Variants in UBE2L3 observed in about 807,000 individuals in gnomAD.
UBE2L3 encodes ubiquitin-conjugating enzyme E2 L3.
UBE2L3 carries 1 observed loss-of-function variant against 17.8 expected under a neutral mutation model. The ratio of observed to expected loss-of-function variants is 0.06; its 90% CI spans 0.02 to 0.27. The LOEUF is 0.27. UBE2L3 is among the 10% of genes least tolerant of loss of function. The probability of loss-of-function intolerance (pLI) is 1.00; values close to 1 mark genes in which losing one functional copy is unlikely to be tolerated. For synonymous variants in UBE2L3, 44 were observed against 68.5 expected, an observed-to-expected ratio of 0.64 and a Z score of 1.76; for missense variants, 40 against 192.6, an observed-to-expected ratio of 0.21 and a Z score of 4.69.
intron 1 of UBE2L3, among the ~76,000 whole-genome samples, chr22:21,555,634 A>C (rs1464029054): frequency 1.3e-5 from 2 of 151,128 alleles, no homozygotes; most frequent in Non-Finnish European, 2.9e-5. Context: ...CAAAAAAAAA[A>C]AATTTTTTTT....
intron 3 of UBE2L3, among the ~76,000 whole-genome samples, chr22:21,617,843 G>A (rs983639545): frequency 9.2e-5 from 14 of 152,102 alleles, no homozygotes; most frequent in Non-Finnish European, 1.9e-4. Context: ...GGGGAACAGC[G>A]AAAGAATGAA....
At chr22:21,568,001 G>C in intron 1 of UBE2L3, 1 of 1,342,656 alleles carries the variant, frequency 7.4e-7, no homozygotes, top group Non-Finnish European at 9.5e-7. Flanking sequence ...CCCTCAGCCC[G>C]GCCCGGGGCG....
At chr22:21,585,904 G>A (rs1927909803) in intron 1 of UBE2L3, among the ~76,000 whole-genome samples, 1 of 152,052 alleles carries the variant, frequency 6.6e-6, no homozygotes, top group Non-Finnish European at 1.5e-5. Context: ...TTTTGTTGGG[G>A]GAAGGGTCGT....
At chr22:21,610,774 C>T in intron 2 of UBE2L3, 83 bp from the exon 3 acceptor site, 2 of 1,370,416 alleles carry the variant, frequency 1.5e-6, no homozygotes, top group Non-Finnish European at 1.9e-6. Context: ...ATTGATTTTT[C>T]AGATAAACAA....
At chr22:21,592,015 G>A (rs1236705221) in intron 1 of UBE2L3, among the ~76,000 whole-genome samples, 1 of 152,226 alleles carries the variant, frequency 6.6e-6, no homozygotes, top group Non-Finnish European at 1.5e-5. Flanking sequence ...AATGGGAAAT[G>A]TCAGGCTGGT....
rs556990159 is a variant in UBE2L3 at position 21,576,949 on chromosome 22, G to A, written c.27+9178G>A. On this transcript the variant is annotated intron_variant, in intron 1 of 3. Coordinates refer to ENST00000342192, the MANE Select transcript of UBE2L3 (RefSeq NM_003347.4). ...CTCCTGAGTAGCTGGAATTACAGGC[G>A]TGTGCCACCATGCCTGGCTAATTTT... Among the ~76,000 whole-genome samples, 239 of 151,164 alleles carry A rather than the reference G, an allele frequency of 1.6e-3. 1 individual carries two copies. The highest frequency in any genetic ancestry group is 5.2e-3 in the African/African-American group (214 of 41,130).
intron 3 of UBE2L3, chr22:21,614,437 A>AAAAG (rs1011995889): frequency 4.0e-5 from 22 of 548,566 alleles, no homozygotes; most frequent in Middle Eastern, 3.3e-4. Flanking sequence ...CAAAAAAAAA[A>AAAAG]AAAGAAAGAA....
intron 1 of UBE2L3, among the ~76,000 whole-genome samples, chr22:21,575,258 CAAAAAAAAAA>C (rs999280735): frequency 6.3e-4 from 33 of 52,738 alleles, no homozygotes; most frequent in Admixed American, 5.8e-3. Flanking sequence ...GACTCCATCT[CAAAAAAAAAA>C]AAAAAAAAAG....
At chr22:21,594,690 G>T (rs1928429875) in intron 2 of UBE2L3, among the ~76,000 whole-genome samples, 1 of 152,012 alleles carries the variant, frequency 6.6e-6, no homozygotes, top group South Asian at 2.1e-4. Flanking sequence ...ATTTCTTTAG[G>T]CTTGATGGTG....
chr22:21,593,145 G>A (rs1928348979), intron 2 of UBE2L3, among the ~76,000 whole-genome samples, 189 bp downstream of exon 2: 1 of 152,060 alleles, frequency 6.6e-6, no homozygotes, highest in East Asian at 1.9e-4. Flanking sequence ...TCACATCTTG[G>A]CACTCGTTTT....
At chr22:21,587,364 T>C (rs1928004230) in intron 1 of UBE2L3, among the ~76,000 whole-genome samples, 1 of 152,032 alleles carries the variant, frequency 6.6e-6, no homozygotes, top group South Asian at 2.1e-4. Context: ...CTAATTTTTG[T>C]ATTTTTAGTA....
At chr22:21,562,520 C>T (rs993360511) in intron 1 of UBE2L3, among the ~76,000 whole-genome samples, 2 of 151,872 alleles carry the variant, frequency 1.3e-5, no homozygotes, top group South Asian at 4.1e-4. Context: ...CACAAGCACC[C>T]GCCACCACGC....
intron 1 of UBE2L3, among the ~76,000 whole-genome samples, chr22:21,580,090 A>G (rs1382573454): frequency 1.3e-5 from 2 of 152,230 alleles, no homozygotes; most frequent in Non-Finnish European, 1.5e-5. Flanking sequence ...ACTATTCCAG[A>G]GCAAGCTAAG....
At chr22:21,613,145 T>C (rs1425498425) in intron 3 of UBE2L3, among the ~76,000 whole-genome samples, 1 of 152,158 alleles carries the variant, frequency 6.6e-6, no homozygotes, top group Non-Finnish European at 1.5e-5. Flanking sequence ...GCTCCTCCCT[T>C]ACCTGTAGAC....
chr22:21,568,280 C>T, intron 1 of UBE2L3: 1 of 986,032 alleles, frequency 1.0e-6, no homozygotes, highest in Non-Finnish European at 1.2e-6. Context: ...GAGAAGGAGG[C>T]CAGGCGGCCA....
chr22:21,606,315 A>ATGTGTGTGTGTGTGG (rs1555886226), intron 2 of UBE2L3, among the ~76,000 whole-genome samples: 3 of 150,338 alleles, frequency 2.0e-5, no homozygotes, highest in Admixed American at 1.3e-4. Flanking sequence ...TGTGTGTGGT[A>ATGTGTGTGTGTGTGG]TGTGTGTGTG....
intron 1 of UBE2L3, among the ~76,000 whole-genome samples, chr22:21,558,992 G>C (rs1437073450): frequency 1.8e-4 from 27 of 151,486 alleles, no homozygotes; most frequent in African/African-American, 4.9e-4. Context: ...CTGGGAGGCA[G>C]GTGTCCCAGC....
intron 1 of UBE2L3, among the ~76,000 whole-genome samples, chr22:21,575,804 C>T (rs73166619): frequency 0.18 from 27,842 of 150,530 alleles, 3,410 homozygotes; most frequent in East Asian, 0.41. Flanking sequence ...CCACCATACC[C>T]GGCTGATTTT....
At chr22:21,618,381 G>A (rs2148449437) in intron 3 of UBE2L3, among the ~76,000 whole-genome samples, 1 of 151,862 alleles carries the variant, frequency 6.6e-6, no homozygotes, top group South Asian at 2.1e-4. Context: ...TGGCTAACAC[G>A]GTGAAACCCC....
Sources: gnomAD v4.1 joint callset for allele counts (sites outside exome capture counted in the v4.1 genomes callset) on GRCh38, gnomAD v4.1.1 for gene constraint, MANE v1.5 for transcripts, NCBI Gene and HGNC (gene_info 2026-07-23, HGNC 2026-07-21) for gene names.